Variants in CCR5AS observed in about 807,000 individuals in gnomAD.
CCR5AS encodes CCR5 antisense RNA.
intron 2 of CCR5AS, among the ~76,000 whole-genome samples, chr3:46,384,029 C>T (rs1341850801): frequency 6.6e-6 from 1 of 152,212 alleles, no homozygotes; most frequent in Non-Finnish European, 1.5e-5. Flanking sequence ...AGGACTCAGG[C>T]ACACAAGAAG....
chr3:46,395,709 A>G (rs1349749489), intron 1 of CCR5AS, among the ~76,000 whole-genome samples: 1 of 152,056 alleles, frequency 6.6e-6, no homozygotes, highest in African/African-American at 2.4e-5. Flanking sequence ...TTCTGCCCCC[A>G]AGCCCTGGGC....
At chr3:46,399,972 A>G (rs1022964529) in intron 1 of CCR5AS, among the ~76,000 whole-genome samples, 1 of 152,158 alleles carries the variant, frequency 6.6e-6, no homozygotes. Context: ...TCTTGTCCAC[A>G]TAGCTAAGCG....
At chr3:46,393,969 C>T (rs1325102275) in intron 1 of CCR5AS, among the ~76,000 whole-genome samples, 2 of 152,218 alleles carry the variant, frequency 1.3e-5, no homozygotes, top group South Asian at 2.1e-4. Context: ...AATCCAGCCC[C>T]GTGATTTTTC....
At chr3:46,390,105 C>T (rs1281886153) in intron 2 of CCR5AS, among the ~76,000 whole-genome samples, 3 of 152,046 alleles carry the variant, frequency 2.0e-5, no homozygotes, top group Non-Finnish European at 4.4e-5. Flanking sequence ...TGAGAAAGGG[C>T]CTGGCCAAAG....
intron 3 of CCR5AS, chr3:46,371,155 G>T (rs939611871): frequency 1.3e-5 from 2 of 152,198 alleles, no homozygotes; most frequent in Non-Finnish European, 2.9e-5. Context: ...ATGAGTTTCA[G>T]ACGGTTATAA....
intron 1 of CCR5AS, among the ~76,000 whole-genome samples, chr3:46,401,790 T>C (rs1181587442): frequency 2.0e-5 from 3 of 149,080 alleles, no homozygotes; most frequent in Non-Finnish European, 3.0e-5. Context: ...ATTAATTTAA[T>C]TAATAATATA....
intron 3 of CCR5AS, among the ~76,000 whole-genome samples, chr3:46,367,909 CT>C (rs1701615671): frequency 1.3e-5 from 2 of 152,178 alleles, no homozygotes; most frequent in South Asian, 4.1e-4. Context: ...TTCATTTGCT[CT>C]TTTTACAGCC....
At chr3:46,373,175 C>T (rs757918238) in intron 2 of CCR5AS, 47 of 1,614,016 alleles carry the variant, frequency 2.9e-5, no homozygotes, top group South Asian at 1.3e-4. Flanking sequence ...ACTATGCTGC[C>T]GCCCAGTGGG....
chr3:46,373,200 A>G, intron 2 of CCR5AS: 14 of 1,614,176 alleles, frequency 8.7e-6, no homozygotes, highest in Non-Finnish European at 1.2e-5. Flanking sequence ...TGGAAATACA[A>G]TGTGTCAACT....
chr3:46,398,663 T>C (rs546233251), intron 1 of CCR5AS, among the ~76,000 whole-genome samples: 2 of 152,364 alleles, frequency 1.3e-5, no homozygotes, highest in South Asian at 4.1e-4. Flanking sequence ...CTCTGTAATG[T>C]AGGAGCTTTA....
At chr3:46,402,914 C>T (rs2187674) in intron 1 of CCR5AS, among the ~76,000 whole-genome samples, 49,221 of 152,076 alleles carry the variant, frequency 0.32, 9,182 homozygotes, top group East Asian at 0.55. Flanking sequence ...CAAGTAGACC[C>T]CGGTGTCTGT....
At chr3:46,405,114 G>A (rs1317264095) in intron 1 of CCR5AS, among the ~76,000 whole-genome samples, 1 of 152,218 alleles carries the variant, frequency 6.6e-6, no homozygotes. Context: ...CTCAACTGCA[G>A]CCTTCTAAAC....
At chr3:46,369,493 C>T (rs1701633714) in intron 3 of CCR5AS, among the ~76,000 whole-genome samples, 1 of 152,118 alleles carries the variant, frequency 6.6e-6, no homozygotes. Context: ...TCTGGCTTTT[C>T]CCAAGCAGTC....
At chr3:46,385,715 CTTTATTATTTATTTATTTA>C (rs1701854890) in intron 2 of CCR5AS, among the ~76,000 whole-genome samples, 1 of 151,814 alleles carries the variant, frequency 6.6e-6, no homozygotes, top group African/African-American at 2.4e-5. Context: ...CTGCACTTCC[CTTTATTATTTATTTATTTA>C]TTTATTATTT....
At chr3:46,368,607 G>T (rs904603896) in intron 3 of CCR5AS, among the ~76,000 whole-genome samples, 12 of 152,128 alleles carry the variant, frequency 7.9e-5, no homozygotes, top group African/African-American at 2.7e-4. Context: ...TTCCCATCTA[G>T]CCTATATTTT....
At chr3:46,387,738 A>C (rs950210953) in intron 2 of CCR5AS, among the ~76,000 whole-genome samples, 6 of 152,210 alleles carry the variant, frequency 3.9e-5, no homozygotes, top group African/African-American at 1.4e-4. Context: ...GTGAGCAATT[A>C]AGCTTTTTAA....
intron 1 of CCR5AS, among the ~76,000 whole-genome samples, chr3:46,401,194 C>A (rs1384783766): frequency 6.6e-6 from 1 of 152,120 alleles, no homozygotes; most frequent in Non-Finnish European, 1.5e-5. Flanking sequence ...AATTAAGTGG[C>A]TTTATGTGTT....
intron 3 of CCR5AS, among the ~76,000 whole-genome samples, chr3:46,368,237 A>C (rs192002630): frequency 3.3e-5 from 5 of 152,340 alleles, no homozygotes; most frequent in Non-Finnish European, 5.9e-5. Context: ...CATGGAGTCT[A>C]GAGTGACAAA....
chr3:46,376,836 C>T (rs1701765678), intron 2 of CCR5AS, among the ~76,000 whole-genome samples: 1 of 152,162 alleles, frequency 6.6e-6, no homozygotes, highest in African/African-American at 2.4e-5. Flanking sequence ...AGTCACTGCA[C>T]ACTCATCTCC....
Sources: gnomAD v4.1 joint callset for allele counts (sites outside exome capture counted in the v4.1 genomes callset) on GRCh38, gnomAD v4.1.1 for gene constraint, MANE v1.5 for transcripts, NCBI Gene and HGNC (gene_info 2026-07-23, HGNC 2026-07-21) for gene names.